The following CLCN5 variants were observed in gnomAD, a reference collection of about 807,000 sequenced individuals.
The protein encoded by CLCN5 is H(+)/Cl(-) exchange transporter 5.
In CLCN5, 17 loss-of-function variants were observed where a neutral mutation model predicts 54.0. The ratio of observed to expected loss-of-function variants is 0.31; its 90% CI spans 0.22 to 0.47. CLCN5 has a LOEUF of 0.47. Among genes scored for constraint, CLCN5 ranks in the 20% least tolerant of loss-of-function variants. The pLI is 1.00. For missense variants in CLCN5, 448 were observed against 646.7 expected, an observed-to-expected ratio of 0.69 and a Z score of 3.33; for synonymous variants, 222 against 233.0, an observed-to-expected ratio of 0.95 and a Z score of 0.43.
intron 3 of CLCN5, among the ~76,000 whole-genome samples, chrX:49,942,154 A>ATGCCACT (rs1926379870): frequency 0.013 from 1 of 80 alleles, no homozygotes. Flanking sequence ...TTAAATTAGA[A>ATGCCACT]TGAATTCGAG....
At position 50,085,874 on chromosome X, in the gene CLCN5, G is replaced by A; in HGVS notation, c.934-106G>A. On this transcript the variant is annotated intron_variant, in intron 9 of 14. Transcript: ENST00000376091. ...TTTTGATGATATGGAACATCTAGAG[G>A]TATTTTTAAATGTTCAGTAACTACT... The A allele has an allele frequency of 5.9e-6, 4 of 673,433 alleles. No individual in the cohort carries two copies. In the Admixed American group the frequency reaches 9.2e-5, roughly 15 times the overall value. The allele number at this position is 673,433 out of a possible 1,213,427, so 55.5% of individuals were successfully genotyped here.
intron 3 of CLCN5, among the ~76,000 whole-genome samples, chrX:50,027,435 G>C (rs1162162697): frequency 8.9e-6 from 1 of 111,889 alleles, no homozygotes; most frequent in South Asian, 3.7e-4. Flanking sequence ...TTCAGTTTCA[G>C]AAGTTTCTGT....
chrX:49,933,074 T>A (rs1414115353), intron 3 of CLCN5, among the ~76,000 whole-genome samples: 2 of 110,760 alleles, frequency 1.8e-5, no homozygotes, highest in African/African-American at 6.6e-5. Context: ...TGGTCCTGCT[T>A]GTTGACCGAA....
In CLCN5 at chrX:49,926,951, A is replaced by G. The variant is rs141635579; in HGVS notation, c.16+1637A>G. Reference sequence around the variant, plus strand: ...GTTCTGTGACTGGATGTGGCAAGAAATGGGCCTGGATTAACTACCAGCTTG... The same window carrying G: ...GTTCTGTGACTGGATGTGGCAAGAAGTGGGCCTGGATTAACTACCAGCTTG... On this transcript the variant is annotated intron_variant, in intron 3 of 14. Coordinates refer to ENST00000376091, the MANE Select transcript of CLCN5 (RefSeq NM_001127898.4). 2.4e-4 allele frequency among the ~76,000 whole-genome samples: 27 copies of G among 110,992 alleles called. No homozygotes were observed. In the East Asian group the frequency reaches 7.1e-3, roughly 29 times the overall value.
intron 4 of CLCN5, among the ~76,000 whole-genome samples, chrX:50,046,464 C>T (rs1478147471): frequency 9.0e-6 from 1 of 111,659 alleles, no homozygotes; most frequent in Admixed American, 9.6e-5. Flanking sequence ...GATAAAGGTC[C>T]AGCAGCATGA....
At chrX:50,081,493 T>C (rs1933698815) in intron 8 of CLCN5, 148 bp from the exon 9 acceptor site, 4 of 493,214 alleles carry the variant, frequency 8.1e-6, no homozygotes, top group South Asian at 2.9e-5. Context: ...GCTCCTGGGC[T>C]CTCTTCCAAA....
intron 3 of CLCN5, among the ~76,000 whole-genome samples, chrX:49,972,353 T>C (rs1342692143): frequency 9.0e-6 from 1 of 111,587 alleles, no homozygotes; most frequent in Non-Finnish European, 1.9e-5. Context: ...TTTTTATCCT[T>C]CCTCCCTCTG....
chrX:49,948,317 G>T (rs181802964), intron 3 of CLCN5, among the ~76,000 whole-genome samples: 74 of 110,895 alleles, frequency 6.7e-4, no homozygotes, highest in Non-Finnish European at 4.2e-4. Flanking sequence ...TCTTTCTCCA[G>T]GTGTTGAGTC....
chrX:50,066,375 G>T (rs782672127), intron 4 of CLCN5, among the ~76,000 whole-genome samples: 2 of 111,486 alleles, frequency 1.8e-5, no homozygotes, highest in South Asian at 3.7e-4. Context: ...TGAACTGAAA[G>T]CATACAGGTC....
At chrX:49,981,699 T>TA (rs1258925319) in intron 3 of CLCN5, among the ~76,000 whole-genome samples, 1 of 110,290 alleles carries the variant, frequency 9.1e-6, no homozygotes, top group Non-Finnish European at 1.9e-5. Flanking sequence ...GAACCTTTTT[T>TA]TTTTTTTTTG....
intron 3 of CLCN5, chrX:50,013,332 A>G (rs1557182954): frequency 5.5e-6 from 2 of 365,086 alleles, no homozygotes; most frequent in Non-Finnish European, 1.1e-5. Context: ...GAGCCTTGTC[A>G]TCGTGAATCT....
chrX:49,940,229 A>G (rs1270905580), intron 3 of CLCN5, among the ~76,000 whole-genome samples: 1 of 111,854 alleles, frequency 8.9e-6, no homozygotes, highest in Non-Finnish European at 1.9e-5. Context: ...CCACTCTCCA[A>G]AGTGTCCTGG....
chrX:50,088,542 A>G (rs1933973851), intron 11 of CLCN5, 156 bp from the exon 12 acceptor site: 2 of 523,377 alleles, frequency 3.8e-6, no homozygotes, highest in Non-Finnish European at 6.8e-6. Flanking sequence ...TAGTCCCTGT[A>G]GTGTTACACA....
At chrX:50,082,645 T>A (rs1349331232) in intron 9 of CLCN5, among the ~76,000 whole-genome samples, 1 of 111,397 alleles carries the variant, frequency 9.0e-6, no homozygotes, top group Non-Finnish European at 1.9e-5. Context: ...TTATCTATGG[T>A]GAGTGGGAGA....
At chrX:50,076,753 C>T (rs1223429356) in intron 7 of CLCN5, among the ~76,000 whole-genome samples, 2 of 111,697 alleles carry the variant, frequency 1.8e-5, no homozygotes, top group Admixed American at 9.5e-5. Context: ...AGGCTGGTCT[C>T]GAACTCTTTG....
rs190149126 is a variant in CLCN5, at chrX:49,939,576, A to G, written c.16+14262A>G. Among the ~76,000 whole-genome samples the G allele has an allele frequency of 2.4e-4, 27 of 110,681 alleles. 1 individual carries two copies. The highest frequency in any genetic ancestry group is 4.8e-4 in the Admixed American group (5 of 10,390). ...CACTGCATGTTCTCACTCATAGGTG[A>G]GAATTGAACAATGAGAACACTTGGA... On this transcript the variant is annotated intron_variant, in intron 3 of 14. Coordinates refer to ENST00000376091, the MANE Select transcript of CLCN5 (RefSeq NM_001127898.4).
At position 50,070,024 on chromosome X, in the gene CLCN5, C is replaced by T; in HGVS notation, c.309C>T (p.His103=). ...AGAAGTCTCGAGACCGGGATAGGCA[C>T]CGAGAGGTAAGACAAAAGATGGCAC... ...VREKSRDRDR[H]REITNKSKES... Residue 103 remains histidine (H), a synonymous_variant, in exon 5 of 15, where the codon CAC becomes CAT. Coordinates refer to ENST00000376091, the MANE Select transcript of CLCN5 (RefSeq NM_001127898.4). 2.5e-6 allele frequency: 3 copies of T among 1,207,390 alleles called. No individual in the cohort carries two copies. In the South Asian group the frequency reaches 5.3e-5, roughly 21 times the overall value.
intron 3 of CLCN5, among the ~76,000 whole-genome samples, chrX:49,944,624 A>C (rs1425426097): frequency 8.9e-6 from 1 of 111,822 alleles, no homozygotes; most frequent in Non-Finnish European, 1.9e-5. Context: ...AGGTTGTTGA[A>C]TTTTGTCAAA....
rs1236268028 is a variant in CLCN5, at chrX:49,929,957, ATAAAGT to A, written c.16+4647_16+4652del. On this transcript the variant is annotated intron_variant, in intron 3 of 14. Coordinates refer to ENST00000376091, the MANE Select transcript of CLCN5 (RefSeq NM_001127898.4). ...TTTAAAATTTCTGCACAAACCATAAATAAAGTTAATGAGAAAACTAGAAACAATTGC... is the reference window on the plus strand; with the variant it reads ...TTTAAAATTTCTGCACAAACCATAAATAATGAGAAAACTAGAAACAATTGC... 2.7e-5 allele frequency among the ~76,000 whole-genome samples: 3 copies of A among 111,379 alleles called. No individual in the cohort carries two copies. The Admixed American group carries it at 2.9e-4, about 11-fold the overall frequency.
Sources: gnomAD v4.1 joint callset for allele counts (sites outside exome capture counted in the v4.1 genomes callset) on GRCh38, gnomAD v4.1.1 for gene constraint, MANE v1.5 for transcripts, NCBI Gene and HGNC (gene_info 2026-07-23, HGNC 2026-07-21) for gene names.